The following NKAIN3 variants were observed in gnomAD, a reference collection of about 807,000 sequenced individuals.
NKAIN3 encodes the protein sodium/potassium-transporting ATPase subunit beta-1-interacting protein 3.
A neutral mutation model predicts 30.2 loss-of-function variants in NKAIN3; 25 were observed. The observed-to-expected ratio is 0.83, with a 90% CI of 0.60 to 1.16. NKAIN3 has a LOEUF of 1.16. Among genes scored for constraint, NKAIN3 ranks in the 50% most tolerant of loss-of-function variants. The probability of loss-of-function intolerance (pLI) is 0.00; values close to 1 mark genes in which losing one functional copy is unlikely to be tolerated. For missense variants in NKAIN3, 225 were observed against 254.1 expected (o/e 0.89, Z 0.78); for synonymous variants, 91 against 89.6 (o/e 1.02, Z -0.09).
intron 5 of NKAIN3, among the ~76,000 whole-genome samples, chr8:62,937,380 T>C (rs1351185253): frequency 6.6e-6 from 1 of 152,170 alleles, no homozygotes; most frequent in Admixed American, 6.5e-5. Flanking sequence ...GGGGAATGTC[T>C]GTTTCCAACC....
chr8:62,842,667 C>T (rs559194292), intron 4 of NKAIN3, among the ~76,000 whole-genome samples: 4 of 152,058 alleles, frequency 2.6e-5, no homozygotes, highest in Non-Finnish European at 4.4e-5. Context: ...ACAGACACAT[C>T]GACCTATGGA....
intron 1 of NKAIN3, among the ~76,000 whole-genome samples, chr8:62,322,805 G>A (rs181420626): frequency 3.2e-4 from 49 of 152,182 alleles, no homozygotes; most frequent in African/African-American, 1.1e-3. Context: ...ACTGATAAAG[G>A]GCTAGTATCC....
At chr8:62,412,908 TCAAAAAAAAAAAAC>T (rs769463131) in intron 1 of NKAIN3, among the ~76,000 whole-genome samples, 1 of 75,886 alleles carries the variant, frequency 1.3e-5, no homozygotes, top group African/African-American at 4.7e-5. Context: ...TGAGACTCCG[TCAAAAAAAAAAAAC>T]AAAAAAAAAA....
intron 1 of NKAIN3, among the ~76,000 whole-genome samples, chr8:62,275,132 A>G (rs1233919099): frequency 6.6e-6 from 1 of 152,102 alleles, no homozygotes; most frequent in Non-Finnish European, 1.5e-5. Flanking sequence ...GGCTGGGTCA[A>G]ATGGTATTTC....
chr8:62,855,544 A>C, intron 4 of NKAIN3: 2 of 1,518,016 alleles, frequency 1.3e-6, no homozygotes, highest in Non-Finnish European at 1.8e-6. Flanking sequence ...CCTTAAACTC[A>C]ACCACCAGGG....
chr8:62,681,296 A>C (rs1322445077), intron 3 of NKAIN3, among the ~76,000 whole-genome samples: 1 of 152,218 alleles, frequency 6.6e-6, no homozygotes, highest in Non-Finnish European at 1.5e-5. Context: ...GAGATTATTG[A>C]ATGAGAGGTT....
At chr8:62,777,030 C>G (rs1036658817) in intron 4 of NKAIN3, among the ~76,000 whole-genome samples, 1 of 152,196 alleles carries the variant, frequency 6.6e-6, no homozygotes, top group Non-Finnish European at 1.5e-5. Flanking sequence ...ATGCCGCTCT[C>G]ATGCTCTCCA....
chr8:62,320,122 A>G (rs1260928712), intron 1 of NKAIN3, among the ~76,000 whole-genome samples: 1 of 152,128 alleles, frequency 6.6e-6, no homozygotes, highest in Non-Finnish European at 1.5e-5. Flanking sequence ...TTGTTGATTT[A>G]AAGTCTGTTT....
In NKAIN3 at chr8:62,970,086, A is replaced by G. The variant is rs1563650087; in HGVS notation, c.*4679A>G. ...AAAAAAAAATTTAAATTAGCCAAGC[A>G]TGGTGGCATGTACCTATGACCCCAG... On this transcript the variant is annotated 3_prime_UTR_variant, in exon 7 of 7. Coordinates refer to ENST00000623646, the MANE Select transcript of NKAIN3 (RefSeq NM_001304533.3). Among the ~76,000 whole-genome samples, 1 of 151,586 alleles carries G rather than the reference A, an allele frequency of 6.6e-6. No homozygotes were observed. The highest frequency in any genetic ancestry group is 2.4e-5 in the African/African-American group (1 of 41,194).
chr8:62,582,630 G>T (rs1271158780), intron 2 of NKAIN3, among the ~76,000 whole-genome samples: 1 of 152,074 alleles, frequency 6.6e-6, no homozygotes, highest in African/African-American at 2.4e-5. Flanking sequence ...GCACCACAAG[G>T]TCCATAGAAG....
intron 4 of NKAIN3, among the ~76,000 whole-genome samples, chr8:62,831,449 A>T (rs1019578549): frequency 6.6e-6 from 1 of 152,136 alleles, no homozygotes; most frequent in African/African-American, 2.4e-5. Context: ...CTCAAATGAG[A>T]TCCAAGACAA....
At chr8:62,337,728 T>C (rs1388469794) in intron 1 of NKAIN3, among the ~76,000 whole-genome samples, 1 of 152,014 alleles carries the variant, frequency 6.6e-6, no homozygotes, top group Non-Finnish European at 1.5e-5. Context: ...TTTCTTCACA[T>C]AGCAGTTACT....
chr8:62,772,663 CTTTT>C (rs34456138), intron 4 of NKAIN3, among the ~76,000 whole-genome samples: 1 of 137,300 alleles, frequency 7.3e-6, no homozygotes. Context: ...CTTTTGCCTA[CTTTT>C]TTTTTTTTTT....
chr8:62,611,312 A>G (rs368980667), intron 3 of NKAIN3, among the ~76,000 whole-genome samples: 20 of 152,268 alleles, frequency 1.3e-4, no homozygotes, highest in African/African-American at 4.8e-4. Context: ...TTTGAGTTAA[A>G]AAAATCCAAT....
downstream of NKAIN3, chr8:62,984,907 T>C (rs1405276683): frequency 6.6e-6 from 1 of 152,236 alleles, no homozygotes; most frequent in African/African-American, 2.4e-5. Flanking sequence ...AAGTACAAGA[T>C]GACTACTGTT....
intron 2 of NKAIN3, among the ~76,000 whole-genome samples, chr8:62,584,341 T>C (rs1256108055): frequency 6.6e-6 from 1 of 152,202 alleles, no homozygotes; most frequent in Non-Finnish European, 1.5e-5. Flanking sequence ...ACTGAGACAA[T>C]TTAATAGACC....
chr8:62,592,895 T>C (rs998141094), intron 3 of NKAIN3, among the ~76,000 whole-genome samples: 4 of 151,848 alleles, frequency 2.6e-5, no homozygotes, highest in African/African-American at 7.2e-5. Flanking sequence ...ATGTATTAAA[T>C]AGACAAAATA....
chr8:62,539,667 A>T (rs781161317), intron 1 of NKAIN3, among the ~76,000 whole-genome samples: 1 of 152,050 alleles, frequency 6.6e-6, no homozygotes, highest in Non-Finnish European at 1.5e-5. Context: ...ATGGCTCACC[A>T]CATCCTCGAT....
chr8:62,314,378 GGT>G (rs1160535382), intron 1 of NKAIN3, among the ~76,000 whole-genome samples: 4 of 152,072 alleles, frequency 2.6e-5, no homozygotes, highest in Non-Finnish European at 4.4e-5. Flanking sequence ...CCAAAATTCT[GGT>G]CAGGTCCGAT....
Sources: gnomAD v4.1 joint callset for allele counts (sites outside exome capture counted in the v4.1 genomes callset) on GRCh38, gnomAD v4.1.1 for gene constraint, MANE v1.5 for transcripts, NCBI Gene and HGNC (gene_info 2026-07-23, HGNC 2026-07-21) for gene names.